Variants in SEMA3F observed in about 807,000 individuals in gnomAD.
The protein encoded by SEMA3F is semaphorin 3F.
Under a neutral mutation model 98.5 loss-of-function variants are expected in SEMA3F, and 30 were observed. That is an observed-to-expected ratio of 0.30 (90% confidence interval 0.23 to 0.41). The LOEUF is 0.41. Ranked by LOEUF, SEMA3F falls within the 10% of genes least tolerant of loss-of-function variation. SEMA3F has a pLI of 1.00. For missense variants in SEMA3F, 866 were observed against 1,119.3 expected, an observed-to-expected ratio of 0.77 and a Z score of 3.23; for synonymous variants, 380 against 444.8, an observed-to-expected ratio of 0.85 and a Z score of 1.83.
At chr3:50,157,074 T>C (rs962683038) in intron 1 of SEMA3F, among the ~76,000 whole-genome samples, 6 of 152,010 alleles carry the variant, frequency 3.9e-5, no homozygotes, top group Admixed American at 2.0e-4. Context: ...CATGTTCCCC[T>C]ACGGCCCCTG....
chr3:50,176,264 AC>A (rs1318269426), intron 6 of SEMA3F, among the ~76,000 whole-genome samples: 1 of 152,160 alleles, frequency 6.6e-6, no homozygotes, highest in Non-Finnish European at 1.5e-5. Context: ...GCCTGAGGAT[AC>A]AGTAACCTTA....
intron 2 of SEMA3F, among the ~76,000 whole-genome samples, chr3:50,170,001 G>A (rs1377513717): frequency 6.6e-6 from 1 of 152,198 alleles, no homozygotes; most frequent in Non-Finnish European, 1.5e-5. Flanking sequence ...GTGGAGTGGG[G>A]AGCAGGGGAC....
In SEMA3F at chr3:50,182,513, C is replaced by A; in HGVS notation, c.763+110C>A. 1 of 1,577,956 alleles carries A rather than the reference C, an allele frequency of 6.3e-7. No individual in the cohort carries two copies. Among genetic ancestry groups the A allele is most frequent in the Non-Finnish European group, 8.6e-7 (1 of 1,156,518 alleles). Reference sequence around the variant, plus strand: ...GGGGACATGTTTAGCCTATGACTACCTGGGGCAGGGGTAGTTTCTTATCTG... The same window carrying A: ...GGGGACATGTTTAGCCTATGACTACATGGGGCAGGGGTAGTTTCTTATCTG... On this transcript the variant is annotated intron_variant, in intron 8 of 18. Coordinates refer to ENST00000002829, the MANE Select transcript of SEMA3F (RefSeq NM_004186.5). The surrounding 1 kb of genome is among the most constrained non-coding windows in gnomAD (Gnocchi z 4.5).
chr3:50,188,051 G>T lies in SEMA3F; in HGVS notation c.2294G>T (p.Arg765Leu), dbSNP rs775992407. ...CCCAGGGAGGCTCCAGGGGCACCCC[G>T]GTCTCCTGAGCCCCAGGACCAGAAA... The part of the protein sequence containing the change: ...PSPREAPGAP[R>L]SPEPQDQKKP... The change falls in exon 19 of 19, where the codon CGG (arginine) becomes CTG (leucine). Residue 765 changes from arginine to leucine, a missense_variant. Physicochemically the swap from Arg to Leu is moderately radical, Grantham distance 102. This residue lies in a region of SEMA3F where 245 missense variants were observed against 260.5 expected (regional missense o/e 0.94). Transcript: ENST00000002829. This position sits in a 1 kb window ranked among gnomAD's most constrained non-coding sequence, Gnocchi z 4.5. The T allele has an allele frequency of 2.5e-6, 4 of 1,586,556 alleles. No individual in the cohort carries two copies. The highest frequency in any genetic ancestry group is 2.6e-6 in the Non-Finnish European group (3 of 1,166,030).
chr3:50,176,673 TG>T (rs1698823743), intron 6 of SEMA3F, 94 bp from the exon 7 acceptor site: 5 of 890,466 alleles, frequency 5.6e-6, no homozygotes, highest in East Asian at 4.8e-5. Context: ...GGGGTATGCC[TG>T]GGGGCTCATT....
intron 5 of SEMA3F, 21 bp from the exon 6 acceptor site, chr3:50,175,075 C>A (rs775548592): frequency 2.5e-6 from 4 of 1,581,756 alleles, no homozygotes; most frequent in Admixed American, 3.4e-5. Flanking sequence ...CAGCTCTAAC[C>A]CCTGTTCCTC....
Position 50,174,325 on chromosome 3 carries a change from A to G in SEMA3F, c.431A>G (p.Tyr144Cys). The G allele has an allele frequency of 6.2e-7, 1 of 1,612,788 alleles. No individual in the cohort carries two copies. Among genetic ancestry groups the G allele is most frequent in the South Asian group, 1.1e-5 (1 of 91,078 alleles). The change falls in exon 5 of 19, where the codon TAT becomes TGT. Residue 144 changes from tyrosine (Y) to cysteine (C), a missense_variant. Physicochemically the swap from Tyr to Cys is radical, Grantham distance 194 (BLOSUM62 -2). Coordinates refer to ENST00000002829, the MANE Select transcript of SEMA3F (RefSeq NM_004186.5). ...GGTGCCTACAACCCCATGTGCACCT[A>G]TGTGAACCGCGGACGCCGCGCCCAG... The part of the protein sequence containing the change: ...GTGAYNPMCT[Y>C]VNRGRRAQAT...
chr3:50,174,150 A>T, intron 4 of SEMA3F, 36 bp downstream of exon 4: 1 of 1,613,912 alleles, frequency 6.2e-7, no homozygotes, highest in Non-Finnish European at 8.5e-7. Context: ...GGAAGGGGGA[A>T]TCCACAGGTG....
At chr3:50,179,189 A>C (rs1268188772) in intron 7 of SEMA3F, among the ~76,000 whole-genome samples, 2 of 152,132 alleles carry the variant, frequency 1.3e-5, no homozygotes, top group Non-Finnish European at 1.5e-5. Context: ...GCTTCAACTT[A>C]AAGTAACCAG....
chr3:50,175,049 CAG>C, intron 5 of SEMA3F, 45 bp from the exon 6 acceptor site: 1 of 1,375,824 alleles, frequency 7.3e-7, no homozygotes, highest in Non-Finnish European at 1.0e-6. Context: ...CCCGCTCCCC[CAG>C]CCCCTGCCAC....
chr3:50,177,267 C>T (rs1698849438), intron 7 of SEMA3F, among the ~76,000 whole-genome samples: 1 of 152,278 alleles, frequency 6.6e-6, no homozygotes, highest in African/African-American at 2.4e-5. Flanking sequence ...AGCCCTGTAG[C>T]GAAGGACCAA....
In SEMA3F at chr3:50,183,003, C is replaced by T. The variant is rs1181456864; in HGVS notation, c.1003C>T (p.His335Tyr). 1.2e-6 allele frequency: 2 copies of T among 1,613,500 alleles called. No homozygotes were observed. Among genetic ancestry groups the T allele is most frequent in the Non-Finnish European group, 1.7e-6 (2 of 1,179,786 alleles). Residue 335 changes from histidine (H) to tyrosine (Y), a missense_variant, in exon 10 of 19, where the codon CAC becomes TAC. By Grantham distance (83) the His-to-Tyr change is moderately conservative. Transcript: ENST00000002829. ...CCCGGGCGAGGATGGCATTGAGACT[C>T]ACTTTGATGAGCTCCGTGAGTGCCC... ...SVPGEDGIET[H>Y]FDELQDVFVQ... is the part of the protein sequence containing the mutation.
At chr3:50,174,764 AC>A (rs1435375602) in intron 5 of SEMA3F, among the ~76,000 whole-genome samples, 1 of 151,434 alleles carries the variant, frequency 6.6e-6, no homozygotes, top group African/African-American at 2.4e-5. Context: ...GCTGCCTTCC[AC>A]CCCCAGGGCC....
chr3:50,156,665 G>A lies in SEMA3F; in HGVS notation c.-49+1101G>A, dbSNP rs1231937754. Among the ~76,000 whole-genome samples the A allele has an allele frequency of 6.6e-6, 1 of 152,220 alleles. No individual in the cohort carries two copies. The highest frequency in any genetic ancestry group is 1.5e-5 in the Non-Finnish European group (1 of 68,034). ...TACCCAAGGGGTGTGCCAGGACCCC[G>A]TAGGGTATAGTGTCTAGGCAGGCGG... On this transcript the variant is annotated intron_variant, in intron 1 of 18. Transcript: ENST00000002829. The surrounding 1 kb of genome is among the most constrained non-coding windows in gnomAD (Gnocchi z 4.5).
rs1469884558 is a variant in SEMA3F, at chr3:50,185,990, C to T, written c.1689C>T (p.Asp563=). The change falls in exon 16 of 19, where the codon GAC becomes GAT. Residue 563 remains aspartate, a synonymous_variant. Transcript: ENST00000002829. ...GTGCTGACTGCTGCCTTGCCCGGGACCCTTACTGTGCCTGGGATGGCCAGG... is the reference window on the plus strand; with the variant it reads ...GTGCTGACTGCTGCCTTGCCCGGGATCCTTACTGTGCCTGGGATGGCCAGG... The part of the protein sequence containing the change: ...AACADCCLAR[D]PYCAWDGQAC... 3 of 1,614,096 alleles carry T rather than the reference C, an allele frequency of 1.9e-6. No homozygotes were observed. Among genetic ancestry groups the T allele is most frequent in the Admixed American group, 1.7e-5 (1 of 60,024 alleles).
At position 50,161,407 on chromosome 3, in the gene SEMA3F, G is replaced by C. The variant is rs74595980; in HGVS notation, c.112+1673G>C. ...AGGCAAAGCCAGAAATAGAACCCTGGTGTCCTGGCCTTGCCGGCGCCCACA... is the reference window on the plus strand; with the variant it reads ...AGGCAAAGCCAGAAATAGAACCCTGCTGTCCTGGCCTTGCCGGCGCCCACA... On this transcript the variant is annotated intron_variant, in intron 2 of 18. Coordinates refer to ENST00000002829, the MANE Select transcript of SEMA3F (RefSeq NM_004186.5). Among the ~76,000 whole-genome samples, 8,222 of 152,334 alleles carry C rather than the reference G, an allele frequency of 0.054. 1,587 individuals are homozygous for C. The East Asian group carries it at 0.61, about 11-fold the overall frequency.
chr3:50,164,121 G>A (rs1698315255), intron 2 of SEMA3F, among the ~76,000 whole-genome samples: 1 of 152,204 alleles, frequency 6.6e-6, no homozygotes, highest in Admixed American at 6.5e-5. Context: ...CAGGCCAGGG[G>A]CTGGGGCTTT....
At chr3:50,171,880 C>A (rs1698623800) in intron 2 of SEMA3F, among the ~76,000 whole-genome samples, 2 of 152,198 alleles carry the variant, frequency 1.3e-5, no homozygotes, top group Non-Finnish European at 2.9e-5. Flanking sequence ...TGCGTCCCAG[C>A]GGTTGGCCAA....
In SEMA3F at chr3:50,185,487, C is replaced by G; in HGVS notation, c.1501C>G (p.Gln501Glu). The change falls in exon 14 of 19, where the codon CAG (glutamine) becomes GAG (glutamate). Residue 501 changes from glutamine (Q) to glutamate (E), a missense_variant. Physicochemically the swap from Gln to Glu is conservative, Grantham distance 29. Around this residue, in one of 3 missense-constraint regions of SEMA3F, gnomAD observed 374 missense variants for 582.8 expected, o/e 0.64. Coordinates refer to ENST00000002829, the MANE Select transcript of SEMA3F (RefSeq NM_004186.5). ...GGTCATTGTGCTGCCCAAGGATGAC[C>G]AGGAGTTGGAGGAGCTCATGCTGGA... ...QKVIVLPKDDQELEELMLEEV... is the reference protein window; with the variant it reads ...QKVIVLPKDDEELEELMLEEV... 1 of 1,614,018 alleles carries G rather than the reference C, an allele frequency of 6.2e-7. No individual in the cohort carries two copies. The highest frequency in any genetic ancestry group is 8.5e-7 in the Non-Finnish European group (1 of 1,179,958).
Sources: gnomAD v4.1 joint callset for allele counts (sites outside exome capture counted in the v4.1 genomes callset) on GRCh38, gnomAD v4.1.1 for gene constraint, gnomAD v4.1.1 regional missense constraint, Gnocchi (gnomAD v3.1) non-coding constraint, MANE v1.5 for transcripts, NCBI Gene and HGNC (gene_info 2026-07-23, HGNC 2026-07-21) for gene names.